Variants in SYNE2 observed in about 807,000 individuals in gnomAD.
SYNE2 encodes spectrin repeat containing nuclear envelope protein 2.
In SYNE2, 431 loss-of-function variants were observed where a neutral mutation model predicts 856.3. That is an observed-to-expected ratio of 0.50 (90% confidence interval 0.47 to 0.55). The LOEUF (loss-of-function observed/expected upper bound fraction) is 0.55, where lower values mean the gene tolerates loss of function less well. Among genes scored for constraint, SYNE2 ranks in the 20% least tolerant of loss-of-function variants. The pLI is 0.00. For missense variants in SYNE2, 8,129 were observed against 8,023.2 expected (o/e 1.01, Z -0.50); for synonymous variants, 2,923 against 2,872.3 (o/e 1.02, Z -0.56).
At chr14:63,970,490 G>A (rs1271169735) in intron 11 of SYNE2, among the ~76,000 whole-genome samples, 1 of 152,080 alleles carries the variant, frequency 6.6e-6, no homozygotes, top group African/African-American at 2.4e-5. Flanking sequence ...GAACCACTGT[G>A]CCTAGCCTAT....
At chr14:63,925,806 C>G (rs951614106) in intron 2 of SYNE2, among the ~76,000 whole-genome samples, 1 of 152,146 alleles carries the variant, frequency 6.6e-6, no homozygotes, top group Non-Finnish European at 1.5e-5. Context: ...ACGTAATTAC[C>G]TTCAGTTCCA....
At chr14:63,804,136 T>C (rs1888267169) in intron 1 of SYNE2, among the ~76,000 whole-genome samples, 1 of 152,226 alleles carries the variant, frequency 6.6e-6, no homozygotes, top group East Asian at 1.9e-4. Flanking sequence ...TTAAACCTCT[T>C]TTCTTCATAA....
At chr14:64,016,833 C>T (rs1049128467) in intron 33 of SYNE2, among the ~76,000 whole-genome samples, 1 of 152,126 alleles carries the variant, frequency 6.6e-6, no homozygotes, top group Admixed American at 6.5e-5. Flanking sequence ...GAAATACATA[C>T]TTGGCTTTTT....
Position 63,979,107 on chromosome 14 carries a change from G to A in SYNE2, c.1569+93G>A, listed in dbSNP as rs970781450. ...TGGCATGATTTCCCATTAACTCTTC[G>A]GGTTTTGAGATGGGTTTTCTTGGTA... On this transcript the variant is annotated intron_variant, in intron 14 of 115. Coordinates refer to ENST00000555002, the MANE Select transcript of SYNE2 (RefSeq NM_182914.3). The A allele has an allele frequency of 1.6e-5, 21 of 1,325,750 alleles. No individual in the cohort carries two copies. The East Asian group carries it at 2.6e-4, about 16-fold the overall frequency. 82.1% of individuals were successfully genotyped at this position (1,325,750 alleles called of 1,614,324 possible). A position where few individuals can be genotyped will look rare whatever the true frequency, so the allele number is the denominator to read the frequency against.
At chr14:64,077,628 G>C (rs997578404) in intron 54 of SYNE2, among the ~76,000 whole-genome samples, 7 of 43,020 alleles carry the variant, frequency 1.6e-4, no homozygotes, top group Admixed American at 1.2e-3. Flanking sequence ...TGGTTATACA[G>C]ATAGAGTTGT....
chr14:63,924,837 T>G (rs949317974), intron 2 of SYNE2, among the ~76,000 whole-genome samples: 2 of 64,982 alleles, frequency 3.1e-5, no homozygotes, highest in African/African-American at 8.6e-5. Context: ...CCTTGGTGTT[T>G]TTTTTTTTTT....
intron 32 of SYNE2, among the ~76,000 whole-genome samples, chr14:64,014,702 C>T (rs372524469): frequency 6.6e-6 from 1 of 151,936 alleles, no homozygotes; most frequent in Non-Finnish European, 1.5e-5. Flanking sequence ...GGATTACAGG[C>T]GTGAGCCACC....
chr14:63,989,416 C>A (rs2096650356), intron 19 of SYNE2, among the ~76,000 whole-genome samples: 1 of 152,152 alleles, frequency 6.6e-6, no homozygotes, highest in African/African-American at 2.4e-5. Flanking sequence ...TGGCTCACTA[C>A]AATCTCTACC....
intron 2 of SYNE2, among the ~76,000 whole-genome samples, chr14:63,914,103 T>C (rs185460114): frequency 6.6e-6 from 1 of 152,322 alleles, no homozygotes; most frequent in East Asian, 1.9e-4. Flanking sequence ...AAGTAATAGG[T>C]GCTTCCTTTT....
At chr14:64,140,174 A>T in intron 80 of SYNE2, 101 bp downstream of exon 80, 2 of 1,227,416 alleles carry the variant, frequency 1.6e-6, no homozygotes, top group East Asian at 2.4e-5. Flanking sequence ...TTATTTGTGG[A>T]TAAGGGGTAA....
At chr14:63,811,305 G>A (rs1019551346) in intron 1 of SYNE2, among the ~76,000 whole-genome samples, 1 of 152,164 alleles carries the variant, frequency 6.6e-6, no homozygotes, top group South Asian at 2.1e-4. Context: ...ACCCAGGCTG[G>A]AGTGCAGTGG....
At chr14:63,967,486 T>C (rs1003421126) in intron 10 of SYNE2, among the ~76,000 whole-genome samples, 1 of 152,134 alleles carries the variant, frequency 6.6e-6, no homozygotes, top group Non-Finnish European at 1.5e-5. Flanking sequence ...AATCCAACAA[T>C]ACACAAAGCA....
In SYNE2 at chr14:64,167,360, C is replaced by T; in HGVS notation, c.16733C>T (p.Ala5578Val). The T allele has an allele frequency of 6.2e-7, 1 of 1,614,212 alleles. No individual in the cohort carries two copies. The highest frequency in any genetic ancestry group is 8.5e-7 in the Non-Finnish European group (1 of 1,180,020). Residue 5578 changes from alanine (A) to valine (V), a missense_variant, in exon 91 of 116, where the codon GCC (alanine) becomes GTC (valine). By Grantham distance (64) the Ala-to-Val change is moderately conservative. Coordinates refer to ENST00000555002, the MANE Select transcript of SYNE2 (RefSeq NM_182914.3). The part of the protein sequence containing the change: ...LQNMNRQWIR[A>V]TATALERCSE... ...AATATGAACCGGCAATGGATTCGGG[C>T]CACGGCCACGGCACTGGAGCGCTGC...
intron 1 of SYNE2, among the ~76,000 whole-genome samples, chr14:63,772,359 C>T (rs1026757070): frequency 1.3e-5 from 2 of 151,526 alleles, no homozygotes; most frequent in Non-Finnish European, 2.9e-5. Flanking sequence ...ATCTCAAAAA[C>T]AAAAAAACAA....
rs762265031 is a variant in SYNE2 at position 64,225,307 on chromosome 14, C to T, written c.20517-12C>T. 11 of 1,613,994 alleles carry T rather than the reference C, an allele frequency of 6.8e-6. No individual in the cohort carries two copies. In the African/African-American group the frequency reaches 8.0e-5, roughly 12 times the overall value. ...AGCCTCCCAATCAGCTCTCAACCTC[C>T]TCTGTTGGCAGGGTCCCCGGCAGCA... On this transcript the variant is annotated splice_polypyrimidine_tract_variant and intron_variant, in intron 115 of 115. Transcript: ENST00000555002.
At chr14:64,220,786 G>A in intron 111 of SYNE2, 149 bp downstream of exon 111, 1 of 1,000,748 alleles carries the variant, frequency 1.0e-6, no homozygotes, top group Non-Finnish European at 1.5e-6. Flanking sequence ...TGTTTCCACA[G>A]AGGCTCACCG....
chr14:63,876,686 C>T (rs936736357), intron 1 of SYNE2, among the ~76,000 whole-genome samples: 2 of 152,090 alleles, frequency 1.3e-5, no homozygotes, highest in African/African-American at 2.4e-5. Flanking sequence ...CGGGGTTTCA[C>T]CGTGTTAGCC....
At chr14:64,000,837 C>A in intron 28 of SYNE2, 118 bp downstream of exon 28, 6 of 908,110 alleles carry the variant, frequency 6.6e-6, no homozygotes, top group Non-Finnish European at 1.0e-5. Flanking sequence ...GTCACAACAA[C>A]AGTAAGAGAG....
intron 67 of SYNE2, 47 bp from the exon 68 acceptor site, chr14:64,120,880 G>A (rs2153665728): frequency 6.2e-7 from 1 of 1,604,044 alleles, no homozygotes; most frequent in Non-Finnish European, 8.5e-7. Flanking sequence ...ATAAAGTGGA[G>A]TTTATTTTTA....
Sources: gnomAD v4.1 joint callset for allele counts (sites outside exome capture counted in the v4.1 genomes callset) on GRCh38, gnomAD v4.1.1 for gene constraint, MANE v1.5 for transcripts, NCBI Gene and HGNC (gene_info 2026-07-23, HGNC 2026-07-21) for gene names.